Variants in DNAH8 observed in about 807,000 individuals in gnomAD.
DNAH8 encodes axonemal beta dynein heavy chain 8.
A neutral mutation model predicts 562.1 loss-of-function variants in DNAH8; 382 were observed. The ratio of observed to expected loss-of-function variants is 0.68; its 90% confidence interval spans 0.63 to 0.74. The LOEUF (loss-of-function observed/expected upper bound fraction) is 0.74. Ranked by LOEUF, DNAH8 falls within the 30% of genes least tolerant of loss-of-function variation. The probability of loss-of-function intolerance (pLI) is 0.00; values close to 1 mark genes in which losing one functional copy is unlikely to be tolerated. For synonymous variants in DNAH8, 1,881 were observed against 1,919.4 expected (o/e 0.98, Z 0.52); for missense variants, 5,203 against 5,620.4 (o/e 0.93, Z 2.37).
rs868040101 is a variant in DNAH8, at chr6:38,823,676, GAATT to G, written c.3837_3840del (p.Glu1279AspfsTer6). On this transcript the variant is annotated frameshift_variant, in exon 28 of 93. Coordinates refer to ENST00000327475, the MANE Select transcript of DNAH8 (RefSeq NM_001206927.2). LOFTEE classifies it high-confidence loss of function. ...GCCTATTATTGTTGTAGGAGCACTT[GAATT>G]ACATACAGGTATTTTAAAAATGTTT... 6.3e-7 allele frequency: 1 copy of G among 1,597,150 alleles called. No homozygotes were observed. The highest frequency in any genetic ancestry group is 1.3e-5 in the African/African-American group (1 of 74,430).
intron 83 of DNAH8, among the ~76,000 whole-genome samples, chr6:38,972,565 A>C (rs1289763136): frequency 2.1e-5 from 3 of 143,074 alleles, no homozygotes; most frequent in African/African-American, 7.9e-5. Context: ...GGCCTTAAAT[A>C]ATTTCTTTAG....
chr6:38,823,526 TA>T, intron 27 of DNAH8, 35 bp from the exon 28 acceptor site: 2 of 1,524,546 alleles, frequency 1.3e-6, no homozygotes, highest in Non-Finnish European at 9.1e-7. Context: ...TTTATACTGT[TA>T]AAAAATTAAA....
chr6:38,896,304 C>A, intron 60 of DNAH8, 79 bp downstream of exon 60: 2 of 1,183,662 alleles, frequency 1.7e-6, no homozygotes, highest in South Asian at 1.5e-5. Flanking sequence ...AGAGTCCTAC[C>A]ATGGAGTTGC....
At chr6:38,770,673 A>G (rs1461077331) in intron 12 of DNAH8, 114 bp downstream of exon 12, 1 of 1,019,862 alleles carries the variant, frequency 9.8e-7, no homozygotes, top group Admixed American at 3.1e-5. Flanking sequence ...CACTATTGTT[A>G]TGACTTGTCT....
chr6:38,874,432 C>G (rs1325770342), intron 52 of DNAH8, among the ~76,000 whole-genome samples: 1 of 150,948 alleles, frequency 6.6e-6, no homozygotes, highest in Non-Finnish European at 1.5e-5. Context: ...GTGGTGCAAT[C>G]AATCATAACT....
At position 38,860,440 on chromosome 6, in the gene DNAH8, T is replaced by C. The variant is rs1199115582; in HGVS notation, c.5959-17T>C. The C allele has an allele frequency of 7.3e-7, 1 of 1,374,052 alleles. No individual in the cohort carries two copies. Among genetic ancestry groups the C allele is most frequent in the South Asian group, 1.9e-5 (1 of 51,742 alleles). 85.1% of individuals were successfully genotyped at this position (1,374,052 alleles called of 1,614,324 possible). The stretch of plus-strand genomic sequence containing the variant: ...TGCAATTCAGTATATAATTTTTTTG[T>C]ATTTTATGTTTTTAAGGTAAAAATG... On this transcript the variant is annotated splice_polypyrimidine_tract_variant and intron_variant, in intron 42 of 92. Transcript: ENST00000327475.
intron 20 of DNAH8, 114 bp downstream of exon 20, chr6:38,790,519 T>C: frequency 1.8e-6 from 1 of 551,300 alleles, no homozygotes; most frequent in Non-Finnish European, 3.1e-6. Flanking sequence ...AGGACATCCG[T>C]TAGGTTTAAA....
At chr6:38,823,478 A>G in intron 27 of DNAH8, 84 bp from the exon 28 acceptor site, 5 of 1,061,664 alleles carry the variant, frequency 4.7e-6, no homozygotes, top group Non-Finnish European at 7.0e-6. Context: ...GTAAATGTGT[A>G]TGAGCAAATG....
intron 58 of DNAH8, among the ~76,000 whole-genome samples, chr6:38,894,347 A>G (rs998344513): frequency 6.6e-6 from 1 of 152,214 alleles, no homozygotes; most frequent in Non-Finnish European, 1.5e-5. Context: ...ATATTTCCAC[A>G]TATACTACCA....
At chr6:38,814,594 A>G (rs1190386844) in intron 25 of DNAH8, among the ~76,000 whole-genome samples, 2 of 150,906 alleles carry the variant, frequency 1.3e-5, no homozygotes, top group Non-Finnish European at 3.0e-5. Flanking sequence ...AAAAAAAGTT[A>G]CTTCTGTATT....
intron 21 of DNAH8, among the ~76,000 whole-genome samples, chr6:38,794,561 A>G (rs1247095062): frequency 1.3e-5 from 2 of 152,196 alleles, no homozygotes; most frequent in African/African-American, 4.8e-5. Context: ...AGCCAGTTAC[A>G]CTTCCTTCCC....
intron 73 of DNAH8, chr6:38,925,051 C>T (rs1161415351): frequency 4.6e-5 from 7 of 152,110 alleles, no homozygotes; most frequent in Admixed American, 3.3e-4. Flanking sequence ...GTTGCTGTTT[C>T]CTTAGGGGAT....
intron 3 of DNAH8, among the ~76,000 whole-genome samples, chr6:38,725,311 A>ATAC (rs1763124906): frequency 1.4e-5 from 2 of 146,210 alleles, no homozygotes. Flanking sequence ...TCATATAATA[A>ATAC]TAATAATAAT....
In DNAH8 at chr6:38,855,972, C is replaced by A. The variant is rs937239330; in HGVS notation, c.5734-1546C>A. Among the ~76,000 whole-genome samples the A allele has an allele frequency of 2.6e-5, 4 of 152,180 alleles. No homozygotes were observed. The South Asian group carries it at 8.3e-4, about 32-fold the overall frequency. On this transcript the variant is annotated intron_variant, in intron 41 of 92. Transcript: ENST00000327475. ...TGAATCTAAAGCATCCTGTGACCCC[C>A]GTCCATGGAAAAATTGTCTTCCATG...
intron 45 of DNAH8, among the ~76,000 whole-genome samples, chr6:38,866,193 C>T (rs148002853): frequency 4.1e-4 from 63 of 152,302 alleles, no homozygotes; most frequent in African/African-American, 1.3e-3. Context: ...CCCAAGGAAG[C>T]TCATCAGTAT....
intron 8 of DNAH8, among the ~76,000 whole-genome samples, chr6:38,749,782 A>G (rs1334874631): frequency 1.3e-5 from 2 of 152,218 alleles, no homozygotes; most frequent in African/African-American, 2.4e-5. Context: ...TGTTGATTTC[A>G]GATTGACTTC....
In DNAH8 at chr6:38,862,160, T is replaced by C. The variant is rs945732350; in HGVS notation, c.6132-120T>C. The C allele has an allele frequency of 9.0e-6, 7 of 780,468 alleles. No individual in the cohort carries two copies. In the African/African-American group the frequency reaches 1.0e-4, roughly 12 times the overall value. 48.3% of individuals were successfully genotyped at this position (780,468 alleles called of 1,614,324 possible). A position where few individuals can be genotyped will look rare whatever the true frequency, so the allele number is the denominator to read the frequency against. ...TAACCTTGTTTGTTCACTTCTTTTATGTGGGCTACTCAGACTCTAAAATAA... is the reference window on the plus strand; with the variant it reads ...TAACCTTGTTTGTTCACTTCTTTTACGTGGGCTACTCAGACTCTAAAATAA... On this transcript the variant is annotated intron_variant, in intron 43 of 92. Coordinates refer to ENST00000327475, the MANE Select transcript of DNAH8 (RefSeq NM_001206927.2).
chr6:38,767,216 C>T (rs1364877620), intron 11 of DNAH8, among the ~76,000 whole-genome samples: 1 of 152,152 alleles, frequency 6.6e-6, no homozygotes, highest in African/African-American at 2.4e-5. Context: ...GCGGGCAGAT[C>T]ACCTGAGGTT....
At chr6:38,827,673 G>A (rs1044695789) in intron 29 of DNAH8, among the ~76,000 whole-genome samples, 1 of 132,534 alleles carries the variant, frequency 7.5e-6, no homozygotes, top group Non-Finnish European at 1.5e-5. Context: ...CAGACTTCAA[G>A]ATATAATAAA....
Sources: gnomAD v4.1 joint callset for allele counts (sites outside exome capture counted in the v4.1 genomes callset) on GRCh38, gnomAD v4.1.1 for gene constraint, MANE v1.5 for transcripts, NCBI Gene and HGNC (gene_info 2026-07-23, HGNC 2026-07-21) for gene names.